Variants in TTLL7 observed in about 807,000 individuals in gnomAD.
TTLL7 encodes tubulin tyrosine ligase like 7, also known as tubulin polyglutamylase TTLL7.
A neutral mutation model predicts 120.2 loss-of-function variants in TTLL7; 53 were observed. The ratio of observed to expected loss-of-function variants is 0.44; its 90% confidence interval spans 0.35 to 0.55. TTLL7 has a LOEUF of 0.55. Ranked by LOEUF, TTLL7 falls within the 20% of genes least tolerant of loss-of-function variation. The probability of loss-of-function intolerance (pLI) is 0.00; values close to 1 mark genes in which losing one functional copy is unlikely to be tolerated. For synonymous variants in TTLL7, 353 were observed against 351.7 expected (o/e 1.00, Z -0.04); for missense variants, 803 against 1,054.7 (o/e 0.76, Z 3.31).
intron 1 of TTLL7, among the ~76,000 whole-genome samples, chr1:83,954,850 T>G (rs1649369991): frequency 6.6e-6 from 1 of 151,674 alleles, no homozygotes; most frequent in Admixed American, 6.6e-5. Context: ...AAAATCCTGT[T>G]TTCCTATCTA....
chr1:83,985,192 G>A (rs1366836005), intron 1 of TTLL7, among the ~76,000 whole-genome samples: 4 of 152,150 alleles, frequency 2.6e-5, no homozygotes, highest in African/African-American at 4.8e-5. Flanking sequence ...CAGGGAAGCC[G>A]ACAGTATAGC....
intron 20 of TTLL7, among the ~76,000 whole-genome samples, chr1:83,874,325 AATAATATTCTATTAT>A (rs1316144277): frequency 6.6e-6 from 1 of 152,094 alleles, no homozygotes; most frequent in African/African-American, 2.4e-5. Context: ...ACTGTGGCTG[AATAATATTCTATTAT>A]ATGTGTATAC....
intron 15 of TTLL7, 106 bp from the exon 16 acceptor site, chr1:83,907,767 A>C (rs1657329544): frequency 1.0e-6 from 1 of 998,166 alleles, no homozygotes; most frequent in African/African-American, 1.6e-5. Context: ...GTAGTAAAGT[A>C]GCAATAAATG....
chr1:83,965,884 A>T (rs552805073), intron 1 of TTLL7, among the ~76,000 whole-genome samples: 3 of 152,236 alleles, frequency 2.0e-5, no homozygotes, highest in African/African-American at 7.2e-5. Context: ...GCTAATCAGT[A>T]GGTAGTAATT....
intron 8 of TTLL7, among the ~76,000 whole-genome samples, chr1:83,936,061 G>C (rs1167701570): frequency 6.6e-6 from 1 of 152,158 alleles, no homozygotes; most frequent in African/African-American, 2.4e-5. Context: ...AAATGTGTCA[G>C]AGATTAATAG....
intron 1 of TTLL7, among the ~76,000 whole-genome samples, chr1:83,970,186 T>A (rs897752113): frequency 1.3e-5 from 2 of 152,076 alleles, no homozygotes; most frequent in East Asian, 3.9e-4. Context: ...ATTATGATTG[T>A]GAATTACATT....
chr1:83,872,528 A>G (rs1188207134), intron 20 of TTLL7, among the ~76,000 whole-genome samples: 1 of 152,224 alleles, frequency 6.6e-6, no homozygotes, highest in African/African-American at 2.4e-5. Flanking sequence ...GTTGAGAGTT[A>G]TTCTACCTTC....
intron 3 of TTLL7, 112 bp from the exon 4 acceptor site, chr1:83,950,098 T>C: frequency 1.0e-6 from 1 of 952,886 alleles, no homozygotes; most frequent in South Asian, 1.8e-5. Flanking sequence ...TTGAAAAATA[T>C]TAGTTACAGC....
intron 20 of TTLL7, among the ~76,000 whole-genome samples, chr1:83,870,594 AG>A (rs1653283046): frequency 6.6e-6 from 1 of 152,192 alleles, no homozygotes; most frequent in African/African-American, 2.4e-5. Flanking sequence ...CTTTGACCAT[AG>A]AGTGCTCATG....
At chr1:83,928,080 T>C (rs528066314) in intron 10 of TTLL7, among the ~76,000 whole-genome samples, 1 of 152,256 alleles carries the variant, frequency 6.6e-6, no homozygotes, top group South Asian at 2.1e-4. Context: ...ACCTCACTTT[T>C]AAAAACACCA....
intron 7 of TTLL7, among the ~76,000 whole-genome samples, chr1:83,940,585 T>C (rs1476907624): frequency 1.3e-5 from 2 of 152,160 alleles, no homozygotes; most frequent in Admixed American, 1.3e-4. Context: ...TTGATTTCCC[T>C]TTCCCTTGAT....
intron 1 of TTLL7, among the ~76,000 whole-genome samples, chr1:83,987,754 G>A (rs1184451422): frequency 1.3e-5 from 2 of 152,002 alleles, no homozygotes; most frequent in Non-Finnish European, 2.9e-5. Flanking sequence ...GAGTGAAAAG[G>A]CAATGTACAA....
rs1044485433 is a variant in TTLL7, at chr1:83,981,440, A to G, written c.-177+17491T>C. 1.1e-4 allele frequency: 17 copies of G among 152,190 alleles called. 1 individual carries two copies. Among genetic ancestry groups the G allele is most frequent in the Admixed American group, 6.5e-5 (1 of 15,278 alleles). 9.4% of individuals were successfully genotyped at this position (152,190 alleles called of 1,614,324 possible). A position where few individuals can be genotyped will look rare whatever the true frequency, so the allele number is the denominator to read the frequency against. ...TGCAAAATTATAAAAAGCTCAATCC[A>G]CCAAGAAGATATAACAATAATAAGT... On this transcript the variant is annotated intron_variant, in intron 1 of 20. Transcript: ENST00000260505.
At chr1:83,900,151 T>C (rs1461301263) in intron 18 of TTLL7, 4 of 448,076 alleles carry the variant, frequency 8.9e-6, no homozygotes, top group Non-Finnish European at 1.8e-5. Context: ...AAAAACAGAA[T>C]AGCACTGTCT....
intron 1 of TTLL7, among the ~76,000 whole-genome samples, chr1:83,982,063 A>C (rs148426435): frequency 6.6e-6 from 1 of 152,220 alleles, no homozygotes; most frequent in South Asian, 2.1e-4. Context: ...TAGCATATTT[A>C]AAAGAATTTA....
At chr1:83,892,516 A>G (rs1301293644) in intron 18 of TTLL7, among the ~76,000 whole-genome samples, 11 of 145,030 alleles carry the variant, frequency 7.6e-5, no homozygotes, top group South Asian at 2.2e-4. Flanking sequence ...ATGAACATAT[A>G]TATGAACATA....
At chr1:83,908,820 T>G (rs1393824283) in intron 15 of TTLL7, among the ~76,000 whole-genome samples, 2 of 151,976 alleles carry the variant, frequency 1.3e-5, no homozygotes, top group African/African-American at 2.4e-5. Flanking sequence ...GAAAAAAAAT[T>G]TAAACCTTTA....
intron 1 of TTLL7, among the ~76,000 whole-genome samples, chr1:83,975,746 A>G (rs1255840758): frequency 6.6e-6 from 1 of 152,108 alleles, no homozygotes; most frequent in Non-Finnish European, 1.5e-5. Context: ...GCAAATCTGC[A>G]TATTTCAAAG....
chr1:83,960,505 T>G (rs908032990), intron 1 of TTLL7, among the ~76,000 whole-genome samples: 1 of 152,072 alleles, frequency 6.6e-6, no homozygotes, highest in Non-Finnish European at 1.5e-5. Context: ...ATTTCTAGCT[T>G]AAAGAATTGG....
Sources: gnomAD v4.1 joint callset for allele counts (sites outside exome capture counted in the v4.1 genomes callset) on GRCh38, gnomAD v4.1.1 for gene constraint, MANE v1.5 for transcripts, NCBI Gene and HGNC (gene_info 2026-07-23, HGNC 2026-07-21) for gene names.